The following PRKN variants were observed in gnomAD, a reference collection of about 807,000 sequenced individuals.
The protein encoded by PRKN is E3 ubiquitin-protein ligase parkin.
In PRKN, 56 loss-of-function variants were observed where a neutral mutation model predicts 59.5. The ratio of observed to expected loss-of-function variants is 0.94; its 90% CI spans 0.76 to 1.18. PRKN has a LOEUF of 1.18. Among genes scored for constraint, PRKN ranks in the 50% most tolerant of loss-of-function variants. PRKN has a pLI of 0.00. For synonymous variants in PRKN, 250 were observed against 222.1 expected, an observed-to-expected ratio of 1.13 and a Z score of -1.12; for missense variants, 657 against 596.4, an observed-to-expected ratio of 1.10 and a Z score of -1.06.
chr6:162,188,125 G>A (rs180918649), intron 4 of PRKN, among the ~76,000 whole-genome samples: 11 of 152,034 alleles, frequency 7.2e-5, no homozygotes, highest in African/African-American at 1.2e-4. Context: ...TTGCTCCTTC[G>A]TGCCTCTCAC....
intron 4 of PRKN, among the ~76,000 whole-genome samples, chr6:162,072,291 A>C (rs1319590778): frequency 6.6e-6 from 1 of 152,132 alleles, no homozygotes; most frequent in Non-Finnish European, 1.5e-5. Context: ...CCGTCCAAAA[A>C]AAAATATTAA....
At chr6:162,480,858 C>T (rs113697328) in intron 1 of PRKN, among the ~76,000 whole-genome samples, 25 of 151,996 alleles carry the variant, frequency 1.6e-4, no homozygotes, top group African/African-American at 5.5e-4. Context: ...CAGCCTGGAG[C>T]GCAGTGGCAC....
chr6:161,563,237 C>T (rs1332859336), intron 8 of PRKN, among the ~76,000 whole-genome samples: 4 of 152,116 alleles, frequency 2.6e-5, no homozygotes, highest in African/African-American at 9.7e-5. Context: ...TGATCAGTAA[C>T]TGTGACTTCC....
rs182878195 is a variant in PRKN, at chr6:161,909,838, T to A, written c.734+63464A>T. The stretch of plus-strand genomic sequence containing the variant: ...TGACTAAATGGAGTCAATGCTTTCA[T>A]GACCTAACGTTGTGGTTATGGGTGT... On this transcript the variant is annotated intron_variant, in intron 6 of 11. Transcript: ENST00000366898. 3.6e-4 allele frequency among the ~76,000 whole-genome samples: 55 copies of A among 152,342 alleles called. 1 individual carries two copies. Among genetic ancestry groups the A allele is most frequent in the Middle Eastern group, 6.8e-3 (2 of 294 alleles).
At chr6:162,700,598 G>A (rs1254277136) in intron 1 of PRKN, among the ~76,000 whole-genome samples, 1 of 152,064 alleles carries the variant, frequency 6.6e-6, no homozygotes, top group Non-Finnish European at 1.5e-5. Context: ...TCAGTGACAT[G>A]ATTCAGTTAA....
chr6:161,668,781 G>A (rs185088263), intron 7 of PRKN, among the ~76,000 whole-genome samples: 1 of 152,316 alleles, frequency 6.6e-6, no homozygotes, highest in Admixed American at 6.5e-5. Context: ...GGCGCAGGAA[G>A]ATTTTTCATA....
At chr6:162,302,102 A>G (rs868149458) in intron 2 of PRKN, among the ~76,000 whole-genome samples, 11 of 152,124 alleles carry the variant, frequency 7.2e-5, no homozygotes, top group Non-Finnish European at 1.5e-4. Context: ...TCCAGCCGAT[A>G]AGCAAGTCTT....
intron 2 of PRKN, among the ~76,000 whole-genome samples, chr6:162,350,737 ATTCCT>A (rs1475430021): frequency 6.6e-6 from 1 of 152,204 alleles, no homozygotes; most frequent in African/African-American, 2.4e-5. Flanking sequence ...AAACAAAATA[ATTCCT>A]TTATGACCTT....
chr6:161,833,267 C>T (rs6915318), intron 6 of PRKN, among the ~76,000 whole-genome samples: 53,924 of 152,000 alleles, frequency 0.35, 9,796 homozygotes, highest in African/African-American at 0.41. Flanking sequence ...ATACAGTCTC[C>T]GGGTGGCCAA....
At chr6:162,195,087 C>T (rs1175199158) in intron 4 of PRKN, among the ~76,000 whole-genome samples, 1 of 152,176 alleles carries the variant, frequency 6.6e-6, no homozygotes, top group African/African-American at 2.4e-5. Context: ...TATGAATCCA[C>T]ACAGAAACCA....
At chr6:161,430,873 TG>T in intron 9 of PRKN, among the ~76,000 whole-genome samples, 1 of 142,588 alleles carries the variant, frequency 7.0e-6, no homozygotes. Flanking sequence ...CGGTGGCTCA[TG>T]CCTGTAATCC....
chr6:162,225,870 C>A, intron 3 of PRKN, among the ~76,000 whole-genome samples: 1 of 144,596 alleles, frequency 6.9e-6, no homozygotes, highest in Non-Finnish European at 1.5e-5. Flanking sequence ...AAAATGACTG[C>A]TGTTAATGTA....
In PRKN at chr6:161,360,302, A is replaced by G; in HGVS notation, c.1168-97T>C. The G allele has an allele frequency of 1.0e-6, 1 of 983,028 alleles. No homozygotes were observed. Among genetic ancestry groups the G allele is most frequent in the Non-Finnish European group, 1.7e-6 (1 of 605,940 alleles). 60.9% of individuals were successfully genotyped at this position (983,028 alleles called of 1,614,324 possible). ...ACGTCGGTACAGGAAATTCTTGAAG[A>G]CAGGAGTGCCTTCGGGCAAGAAGCC... On this transcript the variant is annotated intron_variant, in intron 10 of 11. Coordinates refer to ENST00000366898, the MANE Select transcript of PRKN (RefSeq NM_004562.3). The surrounding 1 kb of genome is among the most constrained non-coding windows in gnomAD (Gnocchi z 5.1).
intron 10 of PRKN, among the ~76,000 whole-genome samples, chr6:161,368,437 C>T (rs1174740806): frequency 7.2e-6 from 1 of 138,506 alleles, no homozygotes; most frequent in Non-Finnish European, 1.6e-5. Context: ...CACATATAGT[C>T]CCAGCTACTC....
At chr6:161,513,135 T>C (rs1216445662) in intron 9 of PRKN, among the ~76,000 whole-genome samples, 1 of 152,238 alleles carries the variant, frequency 6.6e-6, no homozygotes, top group African/African-American at 2.4e-5. Context: ...ATGAAAATGA[T>C]AGACTGGTTT....
intron 6 of PRKN, among the ~76,000 whole-genome samples, chr6:161,884,821 GCAAA>G (rs1161887794): frequency 3.9e-5 from 6 of 152,008 alleles, no homozygotes; most frequent in Non-Finnish European, 8.8e-5. Flanking sequence ...CAAAGGGTCA[GCAAA>G]CATTTTATAT....
At chr6:161,365,305 T>C (rs1046677202) in intron 10 of PRKN, among the ~76,000 whole-genome samples, 4 of 152,222 alleles carry the variant, frequency 2.6e-5, no homozygotes, top group African/African-American at 9.6e-5. Context: ...TCTAGAGTCT[T>C]AGCACTTATC....
At chr6:162,603,740 C>G (rs1307868992) in intron 1 of PRKN, among the ~76,000 whole-genome samples, 1 of 152,146 alleles carries the variant, frequency 6.6e-6, no homozygotes, top group African/African-American at 2.4e-5. Context: ...GTATAAAATT[C>G]ATGAGCTGCT....
In PRKN at chr6:161,444,482, A is replaced by AGAC. The variant is rs1348628173; in HGVS notation, c.1084-57608_1084-57606dup. On this transcript the variant is annotated intron_variant, in intron 9 of 11. Coordinates refer to ENST00000366898, the MANE Select transcript of PRKN (RefSeq NM_004562.3). This position sits in a 1 kb window ranked among gnomAD's most constrained non-coding sequence, Gnocchi z 5.6. ...ATTTCCATGCATGCTTTTTCCATTT[A>AGAC]GACTAAACTAGCGCTTGGGGTGCTT... Among the ~76,000 whole-genome samples, 3 of 152,180 alleles carry AGAC rather than the reference A, an allele frequency of 2.0e-5. No homozygotes were observed.
Sources: allele counts gnomAD v4.1 joint callset (sites outside exome capture counted in the v4.1 genomes callset), GRCh38; gene constraint gnomAD v4.1.1; non-coding constraint Gnocchi (gnomAD v3.1); transcripts MANE v1.5; gene names NCBI Gene and HGNC (gene_info 2026-07-23, HGNC 2026-07-21).